Variants in CACNA2D3 observed in about 807,000 individuals in gnomAD.
CACNA2D3 encodes calcium voltage-gated channel auxiliary subunit alpha2delta 3.
A neutral mutation model predicts 160.6 loss-of-function variants in CACNA2D3; 60 were observed. The observed-to-expected ratio is 0.37, with a 90% CI of 0.30 to 0.46. The LOEUF is 0.46. Among genes scored for constraint, CACNA2D3 ranks in the 20% least tolerant of loss-of-function variants. The probability of loss-of-function intolerance (pLI) is 1.00; values close to 1 mark genes in which losing one functional copy is unlikely to be tolerated. For synonymous variants in CACNA2D3, 558 were observed against 492.9 expected (o/e 1.13, Z -1.75); for missense variants, 1,205 against 1,365.0 (o/e 0.88, Z 1.85).
At chr3:55,045,771 T>A (rs2107197705) in intron 35 of CACNA2D3, among the ~76,000 whole-genome samples, 1 of 151,212 alleles carries the variant, frequency 6.6e-6, no homozygotes, top group Admixed American at 6.6e-5. Context: ...TTTTAGTTTA[T>A]GTCTTTTCTC....
intron 13 of CACNA2D3, among the ~76,000 whole-genome samples, chr3:54,786,909 T>A (rs974026456): frequency 6.6e-6 from 1 of 152,234 alleles, no homozygotes; most frequent in East Asian, 1.9e-4. Context: ...AATGAGTCCA[T>A]GAATGTATGA....
chr3:54,479,010 A>G (rs779819176), intron 4 of CACNA2D3, among the ~76,000 whole-genome samples: 5 of 152,078 alleles, frequency 3.3e-5, no homozygotes, highest in Middle Eastern at 3.4e-3. Context: ...CTCACCTTGA[A>G]TTGTAGTTAC....
chr3:54,557,136 G>A (rs1161097448), intron 5 of CACNA2D3, among the ~76,000 whole-genome samples: 1 of 152,110 alleles, frequency 6.6e-6, no homozygotes, highest in African/African-American at 2.4e-5. Flanking sequence ...TCAATACACT[G>A]TGATTATGTT....
At chr3:54,842,530 A>G (rs1029885789) in intron 16 of CACNA2D3, among the ~76,000 whole-genome samples, 2 of 151,952 alleles carry the variant, frequency 1.3e-5, no homozygotes, top group South Asian at 4.2e-4. Context: ...GCTCATTCTG[A>G]TGGAGGAAGT....
At chr3:54,946,010 C>T (rs1386425499) in intron 27 of CACNA2D3, among the ~76,000 whole-genome samples, 3 of 152,186 alleles carry the variant, frequency 2.0e-5, no homozygotes, top group African/African-American at 7.2e-5. Context: ...TTCCAAACAG[C>T]AGGAAAACGA....
intron 2 of CACNA2D3, among the ~76,000 whole-genome samples, chr3:54,239,766 T>C (rs938868166): frequency 6.6e-6 from 1 of 152,246 alleles, no homozygotes; most frequent in African/African-American, 2.4e-5. Flanking sequence ...CAAGTCAATC[T>C]TATGTGGAAT....
chr3:54,185,778 A>G (rs1166021730), intron 2 of CACNA2D3, among the ~76,000 whole-genome samples: 1 of 152,202 alleles, frequency 6.6e-6, no homozygotes, highest in African/African-American at 2.4e-5. Flanking sequence ...CAGTTGGATT[A>G]GGCTTGCAGG....
intron 2 of CACNA2D3, among the ~76,000 whole-genome samples, chr3:54,296,385 C>T (rs1465373699): frequency 6.6e-6 from 1 of 152,170 alleles, no homozygotes; most frequent in South Asian, 2.1e-4. Flanking sequence ...TTTCTCATTT[C>T]TCACCCTTGG....
At chr3:54,301,370 A>C (rs1215327408) in intron 2 of CACNA2D3, among the ~76,000 whole-genome samples, 1 of 152,088 alleles carries the variant, frequency 6.6e-6, no homozygotes, top group Non-Finnish European at 1.5e-5. Context: ...AGGCCAAGGC[A>C]GGCGGATCAC....
At chr3:54,816,662 T>C (rs866167121) in intron 13 of CACNA2D3, among the ~76,000 whole-genome samples, 191 bp from the exon 14 acceptor site, 1 of 152,296 alleles carries the variant, frequency 6.6e-6, no homozygotes, top group Middle Eastern at 3.4e-3. Context: ...ATACCACAAA[T>C]TCAGAAAGCA....
chr3:54,370,121 C>T, intron 3 of CACNA2D3, among the ~76,000 whole-genome samples: 1 of 152,136 alleles, frequency 6.6e-6, no homozygotes, highest in African/African-American at 2.4e-5. Context: ...ATAAGCCTTT[C>T]AAAATGTTGT....
chr3:54,357,482 C>T (rs571739041), intron 3 of CACNA2D3, among the ~76,000 whole-genome samples: 8 of 152,130 alleles, frequency 5.3e-5, no homozygotes, highest in African/African-American at 1.2e-4. Flanking sequence ...GAATGCAAAA[C>T]GGTAACAGCC....
chr3:54,559,957 G>T (rs1239673262), intron 5 of CACNA2D3, among the ~76,000 whole-genome samples: 1 of 152,154 alleles, frequency 6.6e-6, no homozygotes, highest in African/African-American at 2.4e-5. Context: ...AGTATTTCAT[G>T]GTGTATATGT....
At chr3:54,397,505 T>C (rs1699377943) in intron 4 of CACNA2D3, among the ~76,000 whole-genome samples, 1 of 135,958 alleles carries the variant, frequency 7.4e-6, no homozygotes, top group Non-Finnish European at 1.6e-5. Context: ...CCAGAGATTC[T>C]GGTATGTGGT....
chr3:54,372,991 C>G (rs1191057591), intron 3 of CACNA2D3, among the ~76,000 whole-genome samples: 1 of 152,212 alleles, frequency 6.6e-6, no homozygotes, highest in African/African-American at 2.4e-5. Context: ...ACCCAGCCCC[C>G]TGGGACTCAG....
intron 2 of CACNA2D3, among the ~76,000 whole-genome samples, chr3:54,319,376 G>T (rs1703940278): frequency 6.6e-6 from 1 of 152,148 alleles, no homozygotes; most frequent in South Asian, 2.1e-4. Context: ...GCTGAGATGA[G>T]ATGTGGAGCC....
intron 11 of CACNA2D3, among the ~76,000 whole-genome samples, chr3:54,736,825 A>G (rs913620976): frequency 1.3e-5 from 2 of 152,198 alleles, no homozygotes; most frequent in African/African-American, 4.8e-5. Flanking sequence ...TCCAGTAGCT[A>G]TCATTTGCCT....
At chr3:54,268,853 C>T (rs1294553959) in intron 2 of CACNA2D3, among the ~76,000 whole-genome samples, 1 of 152,174 alleles carries the variant, frequency 6.6e-6, no homozygotes, top group African/African-American at 2.4e-5. Flanking sequence ...AAATAGGAAG[C>T]AGAGCACTTG....
intron 5 of CACNA2D3, among the ~76,000 whole-genome samples, chr3:54,515,978 A>G (rs993342673): frequency 1.3e-5 from 2 of 152,150 alleles, no homozygotes; most frequent in African/African-American, 4.8e-5. Flanking sequence ...CCCAGGGCTA[A>G]GTGGCCAAGA....
Sources: allele counts gnomAD v4.1 joint callset (sites outside exome capture counted in the v4.1 genomes callset), GRCh38; gene constraint gnomAD v4.1.1; transcripts MANE v1.5; gene names NCBI Gene and HGNC (gene_info 2026-07-23, HGNC 2026-07-21).